PRKCE: variants seen among roughly 807,000 people sequenced by gnomAD.
The protein encoded by PRKCE is protein kinase C epsilon.
In PRKCE, 16 loss-of-function variants were observed where a neutral mutation model predicts 85.4. The ratio of observed to expected loss-of-function variants is 0.19; its 90% CI spans 0.13 to 0.28. The LOEUF is 0.28. PRKCE is among the 10% of genes least tolerant of loss of function. The probability of loss-of-function intolerance (pLI) is 1.00; values close to 1 mark genes in which losing one functional copy is unlikely to be tolerated. For synonymous variants in PRKCE, 388 were observed against 371.5 expected (o/e 1.04, Z -0.51); for missense variants, 573 against 975.2 (o/e 0.59, Z 5.49).
At chr2:45,994,339 A>C (rs1704051863) in intron 6 of PRKCE, among the ~76,000 whole-genome samples, 1 of 152,168 alleles carries the variant, frequency 6.6e-6, no homozygotes. Flanking sequence ...TTGGTGGTGT[A>C]CATTTCCATG....
chr2:45,992,167 G>C (rs1703853792), intron 6 of PRKCE, among the ~76,000 whole-genome samples: 1 of 152,180 alleles, frequency 6.6e-6, no homozygotes, highest in African/African-American at 2.4e-5. Context: ...GGGGTGTAGG[G>C]AGAAAGAATG....
intron 10 of PRKCE, among the ~76,000 whole-genome samples, chr2:46,013,104 C>T (rs570129112): frequency 7.9e-5 from 12 of 152,318 alleles, no homozygotes; most frequent in Non-Finnish European, 4.4e-5. Flanking sequence ...TTTTTCTAAA[C>T]TGAATCATAT....
intron 1 of PRKCE, chr2:45,698,110 G>A (rs1205006347): frequency 6.6e-6 from 1 of 152,618 alleles, no homozygotes; most frequent in African/African-American, 2.4e-5. Context: ...GCTCCATTGG[G>A]TGCCACATGC....
At chr2:46,112,346 T>A (rs1672338713) in intron 11 of PRKCE, among the ~76,000 whole-genome samples, 1 of 152,224 alleles carries the variant, frequency 6.6e-6, no homozygotes, top group African/African-American at 2.4e-5. Flanking sequence ...TTGGTTTGTT[T>A]TGGTTTGCTT....
chr2:46,119,038 T>G (rs560101696), intron 11 of PRKCE, among the ~76,000 whole-genome samples: 11 of 152,186 alleles, frequency 7.2e-5, no homozygotes, highest in Admixed American at 3.3e-4. Context: ...CCCATGGAAG[T>G]TTTCCTATCT....
intron 1 of PRKCE, among the ~76,000 whole-genome samples, chr2:45,703,653 C>G (rs1368543310): frequency 6.6e-6 from 1 of 151,958 alleles, no homozygotes; most frequent in African/African-American, 2.4e-5. Context: ...AACATGGGCT[C>G]TCTGCATGGA....
chr2:45,870,720 T>A (rs1694025091), intron 2 of PRKCE, among the ~76,000 whole-genome samples: 1 of 152,234 alleles, frequency 6.6e-6, no homozygotes. Flanking sequence ...TTCTATCGGT[T>A]ACCTTAAGCC....
intron 2 of PRKCE, among the ~76,000 whole-genome samples, chr2:45,902,497 A>G (rs961874313): frequency 1.3e-5 from 2 of 152,214 alleles, no homozygotes; most frequent in East Asian, 1.9e-4. Flanking sequence ...GCAAAAGTCA[A>G]ATCAGGATAT....
At chr2:45,813,888 T>C (rs1358490820) in intron 1 of PRKCE, among the ~76,000 whole-genome samples, 3 of 152,216 alleles carry the variant, frequency 2.0e-5, no homozygotes, top group Non-Finnish European at 2.9e-5. Context: ...ACGGTATAAA[T>C]ACAGCTGAGA....
intron 2 of PRKCE, among the ~76,000 whole-genome samples, chr2:45,908,138 T>C (rs529125701): frequency 6.6e-6 from 1 of 152,174 alleles, no homozygotes; most frequent in South Asian, 2.1e-4. Flanking sequence ...GGGGAAGGAA[T>C]TATATCTCAG....
intron 1 of PRKCE, among the ~76,000 whole-genome samples, chr2:45,672,673 A>C (rs1015950592): frequency 6.6e-6 from 1 of 152,158 alleles, no homozygotes; most frequent in Non-Finnish European, 1.5e-5. Flanking sequence ...TATTTGGTTG[A>C]GATTACCATT....
At chr2:46,081,110 G>A (rs1462965092) in intron 10 of PRKCE, among the ~76,000 whole-genome samples, 1 of 152,042 alleles carries the variant, frequency 6.6e-6, no homozygotes, top group Non-Finnish European at 1.5e-5. Context: ...TCCCACCTCA[G>A]CCTCCCAAGT....
chr2:46,083,555 T>C (rs967348612), intron 10 of PRKCE, among the ~76,000 whole-genome samples: 1 of 152,140 alleles, frequency 6.6e-6, no homozygotes, highest in African/African-American at 2.4e-5. Flanking sequence ...TCAGTGGCTG[T>C]TTCAGGTGGT....
intron 6 of PRKCE, among the ~76,000 whole-genome samples, chr2:45,999,154 C>T (rs146302207): frequency 6.6e-6 from 1 of 152,280 alleles, no homozygotes; most frequent in African/African-American, 2.4e-5. Context: ...TTTACCTCCA[C>T]TTATTTCTTC....
chr2:46,140,195 C>T (rs781624288), intron 11 of PRKCE, among the ~76,000 whole-genome samples: 6 of 151,928 alleles, frequency 3.9e-5, no homozygotes, highest in Non-Finnish European at 8.8e-5. Context: ...TTTAACTAGA[C>T]AAATGATTCT....
At chr2:45,971,473 A>G (rs776957287) in intron 2 of PRKCE, among the ~76,000 whole-genome samples, 1 of 152,230 alleles carries the variant, frequency 6.6e-6, no homozygotes, top group Non-Finnish European at 1.5e-5. Context: ...GGACATAGAA[A>G]TCTGCTTCAG....
intron 10 of PRKCE, among the ~76,000 whole-genome samples, chr2:46,064,234 A>G (rs1667409900): frequency 6.7e-6 from 1 of 149,936 alleles, no homozygotes; most frequent in African/African-American, 2.4e-5. Context: ...GTGAGCCAAG[A>G]TCATACCACT....
At chr2:46,015,691 CA>C (rs749060776) in intron 10 of PRKCE, among the ~76,000 whole-genome samples, 27,237 of 80,896 alleles carry the variant, frequency 0.34, 2,185 homozygotes, top group Middle Eastern at 0.42. Flanking sequence ...AACACTAAAC[CA>C]AAAAAAAAAA....
intron 1 of PRKCE, among the ~76,000 whole-genome samples, chr2:45,768,028 G>C (rs1406277065): frequency 6.6e-6 from 1 of 152,222 alleles, no homozygotes; most frequent in African/African-American, 2.4e-5. Flanking sequence ...CCTTGGCATT[G>C]GTGCCAGTGC....
Sources: gnomAD v4.1 joint callset for allele counts (sites outside exome capture counted in the v4.1 genomes callset) on GRCh38, gnomAD v4.1.1 for gene constraint, MANE v1.5 for transcripts, NCBI Gene and HGNC (gene_info 2026-07-23, HGNC 2026-07-21) for gene names.